PRKAR1A: variants seen among roughly 807,000 people sequenced by gnomAD.
PRKAR1A encodes protein kinase cAMP-dependent type I regulatory subunit alpha, also known as cAMP-dependent protein kinase type I-alpha regulatory subunit.
A neutral mutation model predicts 52.0 loss-of-function variants in PRKAR1A; 3 were observed. That is an observed-to-expected ratio of 0.06 (90% CI 0.03 to 0.15). The LOEUF (loss-of-function observed/expected upper bound fraction) is 0.15. Ranked by LOEUF, PRKAR1A falls within the 10% of genes least tolerant of loss-of-function variation. PRKAR1A has a pLI of 1.00. For synonymous variants in PRKAR1A, 188 were observed against 168.4 expected (o/e 1.12, Z -0.90); for missense variants, 240 against 477.4 (o/e 0.50, Z 4.63).
chr17:68,426,242 T>TA, the PRKAR1A span: 3 of 669,002 alleles, frequency 4.5e-6, no homozygotes, highest in Non-Finnish European at 6.6e-6. Context: ...ACCTGGCGGG[T>TA]GGGGAGCGGG....
In PRKAR1A at chr17:68,522,818, T is replaced by G. The variant is rs2085658662; in HGVS notation, c.240T>G (p.Asp80Glu). The G allele has an allele frequency of 6.2e-7, 1 of 1,613,960 alleles. No individual in the cohort carries two copies. Among genetic ancestry groups the G allele is most frequent in the Admixed American group, 1.7e-5 (1 of 60,018 alleles). The part of the protein sequence containing the change: ...KAGTRTDSRE[D>E]EISPPPPNPV... ...GCACTCGTACAGACTCAAGGGAGGA[T>G]GAGATTTCTCCTCCTCCACCCAACC... is the stretch of plus-strand genomic sequence containing the variant. The change falls in exon 3 of 11, where the codon GAT (aspartate) becomes GAG (glutamate). Residue 80 changes from aspartate (D) to glutamate (E), a missense_variant. Physicochemically the swap from Asp to Glu is conservative, Grantham distance 45. This residue lies in a region of PRKAR1A where 107 missense variants were observed against 114.6 expected (regional missense o/e 0.93). Transcript: ENST00000589228.
At chr17:68,437,010 A>ATGTGTGTGTGTG in the PRKAR1A span, among the ~76,000 whole-genome samples, 1,879 of 77,878 alleles carry the variant, frequency 0.024, 27 homozygotes, top group Non-Finnish European at 0.035. Flanking sequence ...AAAAAAATAT[A>ATGTGTGTGTGTG]TATATATGTG....
chr17:68,414,927 T>C, the PRKAR1A span, among the ~76,000 whole-genome samples: 1 of 152,206 alleles, frequency 6.6e-6, no homozygotes, highest in Non-Finnish European at 1.5e-5. Flanking sequence ...TCTCTTCTTT[T>C]CTTGGTTAAT....
chr17:68,545,276 A>G (rs1296747776), intron 11 of PRKAR1A, among the ~76,000 whole-genome samples: 1 of 152,206 alleles, frequency 6.6e-6, no homozygotes, highest in Non-Finnish European at 1.5e-5. Context: ...GTATTTCGGA[A>G]AAAAGCTGGC....
At chr17:68,430,976 A>T in the PRKAR1A span, among the ~76,000 whole-genome samples, 1 of 151,874 alleles carries the variant, frequency 6.6e-6, no homozygotes. Flanking sequence ...CTTTGGACAA[A>T]CCTCTCTGGG....
the PRKAR1A span, among the ~76,000 whole-genome samples, chr17:68,460,056 T>A: frequency 6.6e-6 from 1 of 152,150 alleles, no homozygotes; most frequent in Admixed American, 6.5e-5. Flanking sequence ...CCTGACCTCA[T>A]GATCCACCTG....
At chr17:68,521,713 G>C (rs1250257018) in intron 2 of PRKAR1A, among the ~76,000 whole-genome samples, 1 of 152,210 alleles carries the variant, frequency 6.6e-6, no homozygotes, top group Non-Finnish European at 1.5e-5. Flanking sequence ...GTACAAAGGG[G>C]CATAATAATG....
the PRKAR1A span, among the ~76,000 whole-genome samples, chr17:68,497,738 G>A: frequency 6.6e-6 from 1 of 152,168 alleles, no homozygotes; most frequent in Non-Finnish European, 1.5e-5. Context: ...GTTGCCCAAG[G>A]TTACACAGCC....
chr17:68,431,490 G>A, the PRKAR1A span, among the ~76,000 whole-genome samples: 5 of 152,240 alleles, frequency 3.3e-5, no homozygotes, highest in South Asian at 2.1e-4. Flanking sequence ...TCAGGGGGAC[G>A]GGAGGAGCTG....
the PRKAR1A span, among the ~76,000 whole-genome samples, chr17:68,481,520 T>C: frequency 3.3e-5 from 5 of 152,176 alleles, no homozygotes; most frequent in African/African-American, 9.7e-5. Context: ...CAGTTCACAA[T>C]AGGGTTCTTG....
the PRKAR1A span, among the ~76,000 whole-genome samples, chr17:68,448,116 AGT>A: frequency 1.3e-5 from 2 of 152,138 alleles, no homozygotes; most frequent in Non-Finnish European, 2.9e-5. Context: ...TAGCAGACTG[AGT>A]GCTACAGAAT....
At chr17:68,515,287 A>G (rs2085394064) in intron 1 of PRKAR1A, 107 bp from the exon 2 acceptor site, 47 of 1,316,982 alleles carry the variant, frequency 3.6e-5, no homozygotes, top group Non-Finnish European at 4.8e-5. Flanking sequence ...ATCTACTTAG[A>G]AAAAAATCCC....
the PRKAR1A span, among the ~76,000 whole-genome samples, chr17:68,432,345 C>T: frequency 4.6e-5 from 7 of 152,284 alleles, no homozygotes; most frequent in African/African-American, 1.7e-4. Flanking sequence ...TAGCTTTCTC[C>T]AACTGGTGGC....
At chr17:68,540,043 G>T in intron 11 of PRKAR1A, 1 of 1,273,104 alleles carries the variant, frequency 7.9e-7, no homozygotes, top group Non-Finnish European at 1.1e-6. Context: ...TCTCTCCAGG[G>T]AACGGAGGCC....
At chr17:68,469,760 A>G in the PRKAR1A span, among the ~76,000 whole-genome samples, 5 of 152,174 alleles carry the variant, frequency 3.3e-5, no homozygotes, top group Non-Finnish European at 7.4e-5. Context: ...GTTTGTATGG[A>G]TTATATCTAT....
intron 11 of PRKAR1A, among the ~76,000 whole-genome samples, chr17:68,550,401 T>G (rs1373570237): frequency 1.1e-5 from 1 of 90,576 alleles, no homozygotes; most frequent in Non-Finnish European, 2.2e-5. Flanking sequence ...TTTTTTAAGA[T>G]AGAGAGTCTC....
chr17:68,542,651 C>A, intron 11 of PRKAR1A: 1 of 1,482,492 alleles, frequency 6.7e-7, no homozygotes, highest in South Asian at 1.1e-5. Flanking sequence ...CTCTGGCTTA[C>A]GATCTACTCA....
At chr17:68,437,947 TTAAAAAAAAAAAA>T in the PRKAR1A span, among the ~76,000 whole-genome samples, 1 of 58,786 alleles carries the variant, frequency 1.7e-5, no homozygotes, top group African/African-American at 7.3e-5. Context: ...GACATCTCTC[TTAAAAAAAAAAAA>T]AAAAAAAAAA....
the PRKAR1A span, among the ~76,000 whole-genome samples, chr17:68,451,495 C>T: frequency 3.9e-5 from 6 of 152,186 alleles, no homozygotes; most frequent in South Asian, 1.0e-3. Context: ...AGACAGCTGC[C>T]TCTGATGCTG....
Sources: gnomAD v4.1 joint callset for allele counts (sites outside exome capture counted in the v4.1 genomes callset) on GRCh38, gnomAD v4.1.1 for gene constraint, gnomAD v4.1.1 regional missense constraint, MANE v1.5 for transcripts, NCBI Gene and HGNC (gene_info 2026-07-23, HGNC 2026-07-21) for gene names.